Variants in PVT1 observed in about 807,000 individuals in gnomAD.
PVT1 encodes Pvt1 oncogene.
chr8:127,817,542 T>C (rs1376431093), intron 2 of PVT1, among the ~76,000 whole-genome samples: 24 of 110,324 alleles, frequency 2.2e-4, no homozygotes, highest in Non-Finnish European at 3.0e-4. Flanking sequence ...TATATATATA[T>C]ATATACACAC....
chr8:128,056,613 C>T (rs1188681971), intron 4 of PVT1, among the ~76,000 whole-genome samples: 2 of 152,108 alleles, frequency 1.3e-5, no homozygotes, highest in Non-Finnish European at 2.9e-5. Flanking sequence ...TGAACTGGGA[C>T]CTCCCGAGGC....
At chr8:128,057,878 A>G (rs567090549) in intron 4 of PVT1, among the ~76,000 whole-genome samples, 1 of 152,302 alleles carries the variant, frequency 6.6e-6, no homozygotes, top group Admixed American at 6.5e-5. Context: ...AAAGGCTCAC[A>G]TGGTGGTATC....
intron 4 of PVT1, among the ~76,000 whole-genome samples, chr8:128,013,447 T>A (rs1817338084): frequency 6.6e-6 from 1 of 152,232 alleles, no homozygotes; most frequent in Non-Finnish European, 1.5e-5. Flanking sequence ...ATCATCACTT[T>A]CTATTTCTAT....
chr8:127,854,260 G>A (rs73710038), intron 2 of PVT1, among the ~76,000 whole-genome samples: 23,722 of 152,198 alleles, frequency 0.16, 2,077 homozygotes, highest in Admixed American at 0.24. Flanking sequence ...AGGGCAGGGG[G>A]CATTCCTCTG....
At chr8:127,972,900 T>A (rs76209830) in intron 3 of PVT1, among the ~76,000 whole-genome samples, 4,411 of 152,178 alleles carry the variant, frequency 0.029, 72 homozygotes, top group Non-Finnish European at 0.04. Flanking sequence ...TTAAAAAAAA[T>A]TTTTGATTAA....
At position 128,021,394 on chromosome 8, in the gene PVT1, C is replaced by T. The variant is rs778260593; in HGVS notation, n.912+32103C>T. On this transcript the variant is annotated intron_variant and non_coding_transcript_variant, in intron 4 of 10. Transcript: ENST00000651587. ...CTGCAAGCTCCGCCTCCTGGGTTCA[C>T]GCCATTCTCCTGCCTCAGCCTCCCG... Among the ~76,000 whole-genome samples, 209 of 148,424 alleles carry T rather than the reference C, an allele frequency of 1.4e-3. 1 individual carries two copies. The highest frequency in any genetic ancestry group is 1.3e-3 in the Non-Finnish European group (88 of 67,520).
chr8:128,005,714 G>A (rs144732215), intron 4 of PVT1, among the ~76,000 whole-genome samples: 81 of 152,240 alleles, frequency 5.3e-4, no homozygotes, highest in African/African-American at 1.9e-3. Flanking sequence ...TCAGCATTCT[G>A]GTGGCTTGTA....
chr8:127,969,914 C>T (rs569168749), intron 3 of PVT1, among the ~76,000 whole-genome samples: 3 of 152,272 alleles, frequency 2.0e-5, no homozygotes, highest in Non-Finnish European at 2.9e-5. Context: ...GCAGGAGCAG[C>T]GCTGTCCATC....
intron 4 of PVT1, among the ~76,000 whole-genome samples, chr8:128,038,356 G>A (rs1411133049): frequency 6.6e-6 from 1 of 152,164 alleles, no homozygotes; most frequent in African/African-American, 2.4e-5. Flanking sequence ...TTTAGTCAGT[G>A]ATCGCCACAT....
At chr8:127,844,067 C>T (rs1413705691) in intron 2 of PVT1, among the ~76,000 whole-genome samples, 1 of 151,942 alleles carries the variant, frequency 6.6e-6, no homozygotes, top group Non-Finnish European at 1.5e-5. Flanking sequence ...ACTGCAAGCT[C>T]TGCCTCCCGG....
intron 3 of PVT1, among the ~76,000 whole-genome samples, chr8:127,934,349 C>T (rs564835594): frequency 5.9e-5 from 9 of 152,354 alleles, no homozygotes; most frequent in Non-Finnish European, 1.3e-4. Flanking sequence ...TTCATCAAGC[C>T]ACCAGTCTGG....
chr8:128,074,505 A>C (rs1586508554), intron 5 of PVT1, among the ~76,000 whole-genome samples: 2 of 144,280 alleles, frequency 1.4e-5, no homozygotes, highest in African/African-American at 5.2e-5. Flanking sequence ...CCTGAGTGAC[A>C]GAGTGAGACT....
intron 3 of PVT1, among the ~76,000 whole-genome samples, chr8:127,922,879 A>C (rs558723255): frequency 6.6e-6 from 1 of 152,342 alleles, no homozygotes; most frequent in South Asian, 2.1e-4. Context: ...CCTGTGCATT[A>C]GCCACTTTCA....
At chr8:127,841,585 G>A (rs958443061) in intron 2 of PVT1, among the ~76,000 whole-genome samples, 10 of 152,114 alleles carry the variant, frequency 6.6e-5, no homozygotes, top group African/African-American at 2.4e-4. Flanking sequence ...TATAGGAGGT[G>A]AAATTAGACA....
intron 2 of PVT1, among the ~76,000 whole-genome samples, chr8:127,863,198 G>A (rs1307205362): frequency 6.6e-6 from 1 of 151,820 alleles, no homozygotes; most frequent in African/African-American, 2.4e-5. Context: ...TGCAACCTCC[G>A]CCTCTTGGGT....
chr8:127,990,696 T>C (rs955853757), intron 4 of PVT1, among the ~76,000 whole-genome samples: 1 of 152,270 alleles, frequency 6.6e-6, no homozygotes, highest in African/African-American at 2.4e-5. Flanking sequence ...ATCTTTTGTA[T>C]TGTGCCTTAA....
chr8:127,995,815 T>C (rs1186559050), intron 4 of PVT1, among the ~76,000 whole-genome samples: 1 of 152,238 alleles, frequency 6.6e-6, no homozygotes, highest in East Asian at 1.9e-4. Flanking sequence ...TTACGTAATA[T>C]ACTCCAGTTT....
At chr8:128,099,976 G>A (rs1345682406) in intron 6 of PVT1, 4 of 152,154 alleles carry the variant, frequency 2.6e-5, no homozygotes, top group Non-Finnish European at 5.9e-5. Context: ...CAGCCGCAGG[G>A]TGGGTTTGTT....
At chr8:127,992,818 G>A (rs867045329) in intron 4 of PVT1, among the ~76,000 whole-genome samples, 10 of 152,178 alleles carry the variant, frequency 6.6e-5, no homozygotes, top group Non-Finnish European at 1.3e-4. Context: ...GTCATCTGCT[G>A]GCTCCCTGCC....
Sources: allele counts gnomAD v4.1 joint callset (sites outside exome capture counted in the v4.1 genomes callset), GRCh38; gene constraint gnomAD v4.1.1; transcripts MANE v1.5; gene names NCBI Gene and HGNC (gene_info 2026-07-23, HGNC 2026-07-21).